KLHL1: variants seen among roughly 807,000 people sequenced by gnomAD.
The protein encoded by KLHL1 is kelch-like protein 1.
Under a neutral mutation model 77.7 loss-of-function variants are expected in KLHL1, and 47 were observed. That is an observed-to-expected ratio of 0.60 (90% CI 0.48 to 0.77). The LOEUF (loss-of-function observed/expected upper bound fraction) is 0.77. Among genes scored for constraint, KLHL1 ranks in the 30% least tolerant of loss-of-function variants. The probability of loss-of-function intolerance (pLI) is 0.00; values close to 1 mark genes in which losing one functional copy is unlikely to be tolerated. For synonymous variants in KLHL1, 360 were observed against 325.2 expected, an observed-to-expected ratio of 1.11 and a Z score of -1.15; for missense variants, 925 against 910.8, an observed-to-expected ratio of 1.02 and a Z score of -0.20.
chr13:69,758,489 T>TC (rs1874870577), intron 7 of KLHL1, among the ~76,000 whole-genome samples: 1 of 152,112 alleles, frequency 6.6e-6, no homozygotes, highest in South Asian at 2.1e-4. Flanking sequence ...AATGACTTTT[T>TC]CTTACACAAA....
intron 7 of KLHL1, among the ~76,000 whole-genome samples, chr13:69,788,124 C>T (rs1395742185): frequency 6.6e-6 from 1 of 152,214 alleles, no homozygotes; most frequent in Non-Finnish European, 1.5e-5. Flanking sequence ...GGATCTAGAA[C>T]TAGAAATACC....
At chr13:69,939,356 T>TAC (rs1566424682) in intron 4 of KLHL1, among the ~76,000 whole-genome samples, 3 of 78,506 alleles carry the variant, frequency 3.8e-5, no homozygotes, top group African/African-American at 9.9e-5. Flanking sequence ...TATATATATA[T>TAC]ATATATATAT....
intron 4 of KLHL1, among the ~76,000 whole-genome samples, chr13:69,884,522 A>G (rs918884860): frequency 3.3e-5 from 5 of 151,988 alleles, no homozygotes; most frequent in African/African-American, 9.7e-5. Flanking sequence ...TAAAAAATCT[A>G]TGCCTCCATT....
At position 70,082,375 on chromosome 13, in the gene KLHL1, A is replaced by G. The variant is rs546147665; in HGVS notation, c.497+24828T>C. Among the ~76,000 whole-genome samples, 176 of 146,792 alleles carry G rather than the reference A, an allele frequency of 1.2e-3. 1 individual carries two copies. Among genetic ancestry groups the G allele is most frequent in the African/African-American group, 4.0e-3 (159 of 39,692 alleles). ...CACACACACACACACACACAAAGGAACCATAGTAGGTAGTTGCTCTAGGTG... is the reference window on the plus strand; with the variant it reads ...CACACACACACACACACACAAAGGAGCCATAGTAGGTAGTTGCTCTAGGTG... On this transcript the variant is annotated intron_variant, in intron 1 of 10. Coordinates refer to ENST00000377844, the MANE Select transcript of KLHL1 (RefSeq NM_020866.3).
chr13:69,798,492 A>G (rs1877228326), intron 6 of KLHL1, among the ~76,000 whole-genome samples: 1 of 152,164 alleles, frequency 6.6e-6, no homozygotes, highest in African/African-American at 2.4e-5. Flanking sequence ...CCAATATATA[A>G]CTAATTTTGA....
intron 1 of KLHL1, among the ~76,000 whole-genome samples, chr13:70,047,439 C>T (rs1886530299): frequency 6.6e-6 from 1 of 151,184 alleles, no homozygotes; most frequent in Non-Finnish European, 1.5e-5. Context: ...AAATATATAA[C>T]TGTATAGGTG....
intron 1 of KLHL1, among the ~76,000 whole-genome samples, chr13:69,988,327 G>T (rs1389457486): frequency 6.6e-6 from 1 of 152,050 alleles, no homozygotes; most frequent in Non-Finnish European, 1.5e-5. Context: ...CTATTAAATG[G>T]TGTATATGTA....
At chr13:70,087,010 G>A (rs544835478) in intron 1 of KLHL1, among the ~76,000 whole-genome samples, 21 of 152,278 alleles carry the variant, frequency 1.4e-4, no homozygotes, top group African/African-American at 4.1e-4. Flanking sequence ...CATGATTTGT[G>A]TGAATCATGG....
At position 69,824,118 on chromosome 13, in the gene KLHL1, T is replaced by C. The variant is rs556012008; in HGVS notation, c.1414+14858A>G. ...GTCAGACATCAAGACTACTTGAGTG[T>C]GAAACAGTGCTAACATAAAATTTTT... On this transcript the variant is annotated intron_variant, in intron 6 of 10. Coordinates refer to ENST00000377844, the MANE Select transcript of KLHL1 (RefSeq NM_020866.3). Among the ~76,000 whole-genome samples, 17 of 152,096 alleles carry C rather than the reference T, an allele frequency of 1.1e-4. No homozygotes were observed. The East Asian group carries it at 3.3e-3, about 29-fold the overall frequency.
chr13:70,061,161 A>C (rs185938478), intron 1 of KLHL1, among the ~76,000 whole-genome samples: 22 of 152,214 alleles, frequency 1.4e-4, no homozygotes, highest in East Asian at 3.9e-4. Flanking sequence ...TTAATGTTTT[A>C]ATCAAATTTT....
intron 3 of KLHL1, among the ~76,000 whole-genome samples, chr13:69,952,893 C>G (rs1013693596): frequency 1.5e-4 from 22 of 151,386 alleles, no homozygotes; most frequent in Middle Eastern, 6.8e-3. Flanking sequence ...TCCCCCCATA[C>G]TATCAGCAAA....
In KLHL1 at chr13:70,004,128, T is replaced by C. The variant is rs139285681; in HGVS notation, c.498-28326A>G. Among the ~76,000 whole-genome samples, 46 of 151,924 alleles carry C rather than the reference T, an allele frequency of 3.0e-4. 2 individuals are homozygous for C. In the East Asian group the frequency reaches 8.5e-3, roughly 28 times the overall value. The stretch of plus-strand genomic sequence containing the variant: ...GCTGATAGGTGGTATGTATGAGAAG[T>C]TTTTAACTGATACTCTAAACAGAAA... On this transcript the variant is annotated intron_variant, in intron 1 of 10. Coordinates refer to ENST00000377844, the MANE Select transcript of KLHL1 (RefSeq NM_020866.3).
At position 70,107,578 on chromosome 13, in the gene KLHL1, T is replaced by G; in HGVS notation, c.122A>C (p.Asp41Ala). 6.2e-7 allele frequency: 1 copy of G among 1,605,084 alleles called. No individual in the cohort carries two copies. The highest frequency in any genetic ancestry group is 1.3e-5 in the African/African-American group (1 of 74,834). ...CCAGTGCTCAAAGCTGCCACTGCCG[T>G]CCTGTTGCAGGCAGCCTCCCCCCGC... ...GPAGGGCLQQ[D>A]GSGSFEHWGP... Residue 41 changes from aspartate (D) to alanine (A), a missense_variant, in exon 1 of 11, where the codon GAC (aspartate) becomes GCC (alanine). Coordinates refer to ENST00000377844, the MANE Select transcript of KLHL1 (RefSeq NM_020866.3).
intron 1 of KLHL1, among the ~76,000 whole-genome samples, chr13:70,055,215 G>A (rs1886716278): frequency 6.6e-6 from 1 of 152,048 alleles, no homozygotes; most frequent in African/African-American, 2.4e-5. Context: ...AATACATCCG[G>A]CAGCTGACTT....
intron 1 of KLHL1, among the ~76,000 whole-genome samples, chr13:70,088,130 A>G (rs183479790): frequency 6.6e-6 from 1 of 152,312 alleles, no homozygotes; most frequent in East Asian, 1.9e-4. Context: ...TAAGTAAATA[A>G]TGAGCGCCAC....
intron 1 of KLHL1, among the ~76,000 whole-genome samples, chr13:69,992,822 T>C (rs149099982): frequency 6.6e-6 from 1 of 151,968 alleles, no homozygotes; most frequent in Admixed American, 6.6e-5. Flanking sequence ...AAATAAGATA[T>C]AAAATGAATT....
chr13:70,041,529 A>G (rs539540251), intron 1 of KLHL1, among the ~76,000 whole-genome samples: 1 of 152,266 alleles, frequency 6.6e-6, no homozygotes, highest in South Asian at 2.1e-4. Flanking sequence ...GTGGGAGTTC[A>G]GGCTCCCTAT....
At chr13:69,828,375 C>A (rs761266138) in intron 6 of KLHL1, among the ~76,000 whole-genome samples, 3 of 150,086 alleles carry the variant, frequency 2.0e-5, no homozygotes, top group Non-Finnish European at 4.4e-5. Flanking sequence ...GTAGGATGAG[C>A]CCTGTAGGCA....
chr13:69,990,637 T>C (rs1885005935), intron 1 of KLHL1, among the ~76,000 whole-genome samples: 1 of 152,042 alleles, frequency 6.6e-6, no homozygotes, highest in South Asian at 2.1e-4. Flanking sequence ...TAATTCTATA[T>C]GCACCCAACA....
Sources: gnomAD v4.1 joint callset for allele counts (sites outside exome capture counted in the v4.1 genomes callset) on GRCh38, gnomAD v4.1.1 for gene constraint, MANE v1.5 for transcripts, NCBI Gene and HGNC (gene_info 2026-07-23, HGNC 2026-07-21) for gene names.